The following CCBE1 variants were observed in gnomAD, a reference collection of about 807,000 sequenced individuals.
CCBE1 encodes the protein collagen and calcium-binding EGF domain-containing protein 1.
In CCBE1, 37 loss-of-function variants were observed where a neutral mutation model predicts 50.0. The observed-to-expected ratio is 0.74, with a 90% CI of 0.57 to 0.97. CCBE1 has a LOEUF of 0.97. Ranked by LOEUF, CCBE1 falls within the 50% of genes least tolerant of loss-of-function variation. CCBE1 has a pLI of 0.00. For synonymous variants in CCBE1, 234 were observed against 203.7 expected (o/e 1.15, Z -1.27); for missense variants, 538 against 523.8 (o/e 1.03, Z -0.26).
intron 2 of CCBE1, among the ~76,000 whole-genome samples, chr18:59,594,548 T>C (rs934925562): frequency 1.3e-5 from 2 of 152,354 alleles, no homozygotes; most frequent in African/African-American, 2.4e-5. Flanking sequence ...TTCTGTTATG[T>C]ATGTTTTTCT....
At chr18:59,536,250 A>G (rs1301796102) in intron 2 of CCBE1, among the ~76,000 whole-genome samples, 1 of 152,148 alleles carries the variant, frequency 6.6e-6, no homozygotes, top group Non-Finnish European at 1.5e-5. Flanking sequence ...CAAGAGTCTG[A>G]CGGTGTGCCA....
chr18:59,513,083 G>A (rs1323143642), intron 2 of CCBE1, among the ~76,000 whole-genome samples: 1 of 152,202 alleles, frequency 6.6e-6, no homozygotes, highest in East Asian at 1.9e-4. Flanking sequence ...GGAGGCGGGT[G>A]GATCACTTGA....
At chr18:59,515,651 T>C (rs952954765) in intron 2 of CCBE1, among the ~76,000 whole-genome samples, 2 of 152,198 alleles carry the variant, frequency 1.3e-5, no homozygotes, top group African/African-American at 4.8e-5. Flanking sequence ...AACACTACCT[T>C]AAAAGCTCTG....
At chr18:59,671,321 G>T (rs1263781855) in intron 2 of CCBE1, among the ~76,000 whole-genome samples, 2 of 152,002 alleles carry the variant, frequency 1.3e-5, no homozygotes, top group African/African-American at 4.8e-5. Flanking sequence ...GGGCAACAGG[G>T]CAAAACCCCA....
At chr18:59,623,095 T>C (rs2053734250) in intron 2 of CCBE1, among the ~76,000 whole-genome samples, 1 of 152,140 alleles carries the variant, frequency 6.6e-6, no homozygotes, top group African/African-American at 2.4e-5. Context: ...CACAGAATGT[T>C]GGTAGTGAGG....
intron 2 of CCBE1, among the ~76,000 whole-genome samples, chr18:59,686,849 C>A (rs145353549): frequency 3.3e-5 from 5 of 152,144 alleles, no homozygotes; most frequent in South Asian, 2.1e-4. Flanking sequence ...TTTTTAAAAC[C>A]CTTCAAACTT....
chr18:59,445,678 C>T (rs1164112078), intron 7 of CCBE1, among the ~76,000 whole-genome samples: 1 of 152,142 alleles, frequency 6.6e-6, no homozygotes, highest in Non-Finnish European at 1.5e-5. Context: ...AATACTGGTT[C>T]CAGGTATATC....
At chr18:59,619,549 T>C (rs1194659894) in intron 2 of CCBE1, among the ~76,000 whole-genome samples, 1 of 152,238 alleles carries the variant, frequency 6.6e-6, no homozygotes, top group African/African-American at 2.4e-5. Flanking sequence ...TTGTAATATG[T>C]GTATTATATA....
At chr18:59,692,206 AC>A in intron 2 of CCBE1, among the ~76,000 whole-genome samples, 1 of 152,344 alleles carries the variant, frequency 6.6e-6, no homozygotes, top group East Asian at 1.9e-4. Context: ...CAACATGCAG[AC>A]TTGGCAAGAT....
In CCBE1 at chr18:59,435,722, G is replaced by T; in HGVS notation, c.*186C>A. Reference sequence around the variant, plus strand: ...ATCAATCATTCACTCCCTCATGTCTGCAGGCCTAGGAGGGGACTCTGAAAA... The same window carrying T: ...ATCAATCATTCACTCCCTCATGTCTTCAGGCCTAGGAGGGGACTCTGAAAA... On this transcript the variant is annotated 3_prime_UTR_variant, in exon 11 of 11. Coordinates refer to ENST00000439986, the MANE Select transcript of CCBE1 (RefSeq NM_133459.4). The T allele has an allele frequency of 1.5e-6, 1 of 667,376 alleles. No individual in the cohort carries two copies. The highest frequency in any genetic ancestry group is 2.7e-6 in the Non-Finnish European group (1 of 373,584). 41.3% of individuals were successfully genotyped at this position (667,376 alleles called of 1,614,324 possible). A position where few individuals can be genotyped will look rare whatever the true frequency, so the allele number is the denominator to read the frequency against.
chr18:59,673,654 A>T (rs1434578098), intron 2 of CCBE1, among the ~76,000 whole-genome samples: 1 of 152,204 alleles, frequency 6.6e-6, no homozygotes, highest in Non-Finnish European at 1.5e-5. Context: ...AACATGAAGC[A>T]GTGTTGAATT....
intron 2 of CCBE1, among the ~76,000 whole-genome samples, chr18:59,560,585 C>T (rs1042889509): frequency 1.3e-5 from 2 of 152,174 alleles, no homozygotes; most frequent in African/African-American, 2.4e-5. Flanking sequence ...CCTGCACGTT[C>T]TGCACACGTA....
rs768697002 is a variant in CCBE1 at position 59,448,113 on chromosome 18, G to T, written c.655-10C>A. ...TGGGGAGCAGAGCAATCTGCAAGGA[G>T]AAGAGGAAGCCTCAGTCAGGAAGCA... On this transcript the variant is annotated splice_polypyrimidine_tract_variant and intron_variant, in intron 6 of 10. Coordinates refer to ENST00000439986, the MANE Select transcript of CCBE1 (RefSeq NM_133459.4). The T allele has an allele frequency of 3.1e-6, 5 of 1,613,932 alleles. No individual in the cohort carries two copies. The highest frequency in any genetic ancestry group is 1.7e-5 in the Admixed American group (1 of 60,020).
intron 2 of CCBE1, among the ~76,000 whole-genome samples, chr18:59,584,700 T>C (rs1213507009): frequency 1.3e-5 from 2 of 152,162 alleles, no homozygotes; most frequent in Admixed American, 6.5e-5. Context: ...CCATGTAAGA[T>C]GCCTGTTCCC....
At chr18:59,692,578 A>G (rs2054746719) in intron 2 of CCBE1, among the ~76,000 whole-genome samples, 6 of 152,200 alleles carry the variant, frequency 3.9e-5, no homozygotes, top group Admixed American at 3.9e-4. Flanking sequence ...AATGCTATCA[A>G]TCTGGTAGTA....
chr18:59,498,829 T>C (rs1476090639), intron 2 of CCBE1, among the ~76,000 whole-genome samples: 1 of 152,206 alleles, frequency 6.6e-6, no homozygotes, highest in African/African-American at 2.4e-5. Flanking sequence ...TTCTATTTCA[T>C]GTGGTTGGCC....
chr18:59,676,615 G>A (rs574466149), intron 2 of CCBE1, among the ~76,000 whole-genome samples: 11 of 152,256 alleles, frequency 7.2e-5, no homozygotes, highest in East Asian at 5.8e-4. Context: ...ATCAGGAACC[G>A]TACTGGACAC....
chr18:59,482,289 G>C (rs1428502982), intron 2 of CCBE1, among the ~76,000 whole-genome samples: 1 of 152,290 alleles, frequency 6.6e-6, no homozygotes, highest in Non-Finnish European at 1.5e-5. Flanking sequence ...AAAAAGTCAG[G>C]AAACAACAGA....
In CCBE1 at chr18:59,436,019, T is replaced by G; in HGVS notation, c.1110A>C (p.Leu370Phe). Residue 370 changes from leucine to phenylalanine, a missense_variant, in exon 11 of 11, where the codon TTA becomes TTC. Coordinates refer to ENST00000439986, the MANE Select transcript of CCBE1 (RefSeq NM_133459.4). ...RTHSSAEEFP[L>F]PQEFPSYPEA... ...CTGGGTAGCTGGGAAATTCCTGAGG[T>G]AAAGGGAACTCCTCTGCTGAAGAGT... 6.2e-7 allele frequency: 1 copy of G among 1,614,078 alleles called. No individual in the cohort carries two copies. Among genetic ancestry groups the G allele is most frequent in the Non-Finnish European group, 8.5e-7 (1 of 1,180,018 alleles).
Sources: allele counts gnomAD v4.1 joint callset (sites outside exome capture counted in the v4.1 genomes callset), GRCh38; gene constraint gnomAD v4.1.1; transcripts MANE v1.5; gene names NCBI Gene and HGNC (gene_info 2026-07-23, HGNC 2026-07-21).